SLCO3A1: variants seen among roughly 807,000 people sequenced by gnomAD.
SLCO3A1 encodes the protein solute carrier organic anion transporter family member 3A1.
In SLCO3A1, 27 loss-of-function variants were observed where a neutral mutation model predicts 63.1. That is an observed-to-expected ratio of 0.43 (90% CI 0.32 to 0.59). The LOEUF is 0.59. Ranked by LOEUF, SLCO3A1 falls within the 20% of genes least tolerant of loss-of-function variation. The pLI is 0.09. For synonymous variants in SLCO3A1, 473 were observed against 409.9 expected, an observed-to-expected ratio of 1.15 and a Z score of -1.86; for missense variants, 773 against 945.8, an observed-to-expected ratio of 0.82 and a Z score of 2.40.
At chr15:92,024,737 G>T (rs2046550288) in intron 2 of SLCO3A1, among the ~76,000 whole-genome samples, 1 of 152,240 alleles carries the variant, frequency 6.6e-6, no homozygotes, top group African/African-American at 2.4e-5. Flanking sequence ...TGGGAATGAA[G>T]TGTAATGTTT....
Position 91,901,252 on chromosome 15 carries a change from C to T in SLCO3A1, c.181-14741C>T, listed in dbSNP as rs911720406. ...TTCTCTAGAACATGGAAACTTTCCT[C>T]CAGTATAGCTCCATTTCATCCCCCT... On this transcript the variant is annotated intron_variant, in intron 1 of 9. Coordinates refer to ENST00000318445, the MANE Select transcript of SLCO3A1 (RefSeq NM_013272.4). 1.6e-4 allele frequency among the ~76,000 whole-genome samples: 24 copies of T among 152,168 alleles called. 1 individual carries two copies. Among genetic ancestry groups the T allele is most frequent in the Admixed American group, 1.4e-3 (22 of 15,280 alleles).
At chr15:91,869,868 C>G (rs1431970967) in intron 1 of SLCO3A1, among the ~76,000 whole-genome samples, 1 of 152,178 alleles carries the variant, frequency 6.6e-6, no homozygotes, top group Non-Finnish European at 1.5e-5. Flanking sequence ...CAGAATAAAA[C>G]TCTTCCAAGG....
chr15:92,166,153 C>T (rs1443816287), downstream of SLCO3A1, among the ~76,000 whole-genome samples: 1 of 152,180 alleles, frequency 6.6e-6, no homozygotes, highest in African/African-American at 2.4e-5. Context: ...TTGCTGTCTT[C>T]TCTCAGCTGA....
chr15:92,085,650 G>T (rs776562350), intron 2 of SLCO3A1, among the ~76,000 whole-genome samples: 1 of 152,302 alleles, frequency 6.6e-6, no homozygotes, highest in South Asian at 2.1e-4. Context: ...TTAAAATCAC[G>T]TTTTCTTGCC....
chr15:92,146,867 A>T, intron 7 of SLCO3A1, 117 bp from the exon 8 acceptor site: 1 of 927,122 alleles, frequency 1.1e-6, no homozygotes. Context: ...TTCAGGCCTA[A>T]TTAATGGAAT....
At chr15:91,982,374 G>A (rs533231316) in intron 2 of SLCO3A1, among the ~76,000 whole-genome samples, 2 of 152,370 alleles carry the variant, frequency 1.3e-5, no homozygotes, top group East Asian at 3.9e-4. Context: ...AGGCGAAAGA[G>A]TTGTAGTTTC....
intron 7 of SLCO3A1, among the ~76,000 whole-genome samples, chr15:92,131,200 G>A (rs944708127): frequency 2.0e-5 from 3 of 152,038 alleles, no homozygotes; most frequent in Non-Finnish European, 4.4e-5. Flanking sequence ...AGTACACATG[G>A]ACACCAAGAA....
At chr15:92,124,320 A>T (rs1346526190) in intron 5 of SLCO3A1, among the ~76,000 whole-genome samples, 1 of 152,194 alleles carries the variant, frequency 6.6e-6, no homozygotes, top group East Asian at 1.9e-4. Flanking sequence ...AGGACAGCAC[A>T]TACATCAGGG....
chr15:91,993,188 G>A (rs990704835), intron 2 of SLCO3A1, among the ~76,000 whole-genome samples: 13 of 152,140 alleles, frequency 8.5e-5, no homozygotes. Flanking sequence ...AATTGTCTCT[G>A]GATGCATACT....
intron 1 of SLCO3A1, among the ~76,000 whole-genome samples, chr15:91,890,801 G>A (rs1186998094): frequency 6.6e-6 from 1 of 152,194 alleles, no homozygotes; most frequent in Non-Finnish European, 1.5e-5. Flanking sequence ...GACCCTGGAG[G>A]AGAAGGAGCT....
rs181248914 is a variant in SLCO3A1, at chr15:91,937,938, T to C, written c.646+21480T>C. Among the ~76,000 whole-genome samples, 690 of 152,272 alleles carry C rather than the reference T, an allele frequency of 4.5e-3. 2 individuals are homozygous for C. The highest frequency in any genetic ancestry group is 8.2e-3 in the Non-Finnish European group (557 of 68,026). The stretch of plus-strand genomic sequence containing the variant: ...AATTTTGGAGGCGGTATCTACCTTA[T>C]GGGGTTATGAGTACCTACCTTATCG... On this transcript the variant is annotated intron_variant, in intron 2 of 9. Coordinates refer to ENST00000318445, the MANE Select transcript of SLCO3A1 (RefSeq NM_013272.4).
At chr15:92,082,720 CAG>C (rs759521700) in intron 2 of SLCO3A1, among the ~76,000 whole-genome samples, 2 of 152,226 alleles carry the variant, frequency 1.3e-5, no homozygotes, top group Non-Finnish European at 2.9e-5. Context: ...TTCCCAGACT[CAG>C]AGTTGGGAAG....
At chr15:91,927,678 A>G (rs1205350654) in intron 2 of SLCO3A1, among the ~76,000 whole-genome samples, 2 of 152,166 alleles carry the variant, frequency 1.3e-5, no homozygotes, top group South Asian at 2.1e-4. Flanking sequence ...AGTGGGGCCA[A>G]TGGGTGTGAT....
Position 91,875,877 on chromosome 15 carries a change from A to G in SLCO3A1, c.180+21789A>G, listed in dbSNP as rs968600327. On this transcript the variant is annotated intron_variant, in intron 1 of 9. Transcript: ENST00000318445. This position sits in a 1 kb window ranked among gnomAD's most constrained non-coding sequence, Gnocchi z 4.5. The stretch of plus-strand genomic sequence containing the variant: ...TTATCATCATCATGTGACAGAAACC[A>G]TATTGCCTGCAAGTAATATGGCCTG... Among the ~76,000 whole-genome samples, 4 of 152,232 alleles carry G rather than the reference A, an allele frequency of 2.6e-5. No individual in the cohort carries two copies. Among genetic ancestry groups the G allele is most frequent in the Admixed American group, 2.6e-4 (4 of 15,290 alleles).
At chr15:91,932,733 G>T (rs1296253030) in intron 2 of SLCO3A1, among the ~76,000 whole-genome samples, 1 of 152,188 alleles carries the variant, frequency 6.6e-6, no homozygotes, top group Non-Finnish European at 1.5e-5. Context: ...GTGAGCCACC[G>T]TGCCCGGCCT....
At chr15:91,869,777 G>A (rs1329240267) in intron 1 of SLCO3A1, among the ~76,000 whole-genome samples, 60 of 152,044 alleles carry the variant, frequency 3.9e-4, no homozygotes, top group Non-Finnish European at 8.8e-5. Flanking sequence ...TCATCTTGGG[G>A]GTTGTGTGGA....
At chr15:91,944,139 G>A (rs2151402992) in intron 2 of SLCO3A1, among the ~76,000 whole-genome samples, 1 of 152,284 alleles carries the variant, frequency 6.6e-6, no homozygotes, top group South Asian at 2.1e-4. Flanking sequence ...CCCTAGGGTT[G>A]CTGATGTATG....
Position 92,163,716 on chromosome 15 carries a change from G to A in SLCO3A1, c.*581G>A, listed in dbSNP as rs969865137. The A allele has an allele frequency of 2.0e-6, 2 of 985,380 alleles. No homozygotes were observed. Among genetic ancestry groups the A allele is most frequent in the African/African-American group, 1.7e-5 (1 of 57,242 alleles). 61.0% of individuals were successfully genotyped at this position (985,380 alleles called of 1,614,324 possible). ...TGACTTTCGCAATATGGGTCACTGTGTAGACGACTCACCCAGTCTGCATGT... is the reference window on the plus strand; with the variant it reads ...TGACTTTCGCAATATGGGTCACTGTATAGACGACTCACCCAGTCTGCATGT... On this transcript the variant is annotated 3_prime_UTR_variant, in exon 10 of 10. Coordinates refer to ENST00000318445, the MANE Select transcript of SLCO3A1 (RefSeq NM_013272.4).
intron 2 of SLCO3A1, among the ~76,000 whole-genome samples, chr15:92,062,193 T>G (rs1271231313): frequency 4.7e-4 from 71 of 152,196 alleles, no homozygotes; most frequent in Non-Finnish European, 7.3e-5. Flanking sequence ...CACACACTAT[T>G]CTGATTCTGT....
Sources: gnomAD v4.1 joint callset for allele counts (sites outside exome capture counted in the v4.1 genomes callset) on GRCh38, gnomAD v4.1.1 for gene constraint, Gnocchi (gnomAD v3.1) non-coding constraint, MANE v1.5 for transcripts, NCBI Gene and HGNC (gene_info 2026-07-23, HGNC 2026-07-21) for gene names.